The following HOGA1 variants were observed in gnomAD, a reference collection of about 807,000 sequenced individuals.
The protein encoded by HOGA1 is 4-hydroxy-2-oxoglutarate aldolase, mitochondrial.
In HOGA1, 30 loss-of-function variants were observed where a neutral mutation model predicts 34.3. The observed-to-expected ratio is 0.87, with a 90% CI of 0.65 to 1.19. HOGA1 has a LOEUF of 1.19. HOGA1 is among the 50% of genes most tolerant of loss of function. HOGA1 has a pLI of 0.00. For synonymous variants in HOGA1, 161 were observed against 174.0 expected (o/e 0.93, Z 0.59); for missense variants, 417 against 436.5 (o/e 0.96, Z 0.40).
chr10:97,605,347 G>C (rs1456736495), intron 6 of HOGA1, among the ~76,000 whole-genome samples: 8 of 151,356 alleles, frequency 5.3e-5, no homozygotes, highest in Non-Finnish European at 1.2e-4. Context: ...GGAGGTTGAG[G>C]CTGCAGTGAG....
intron 6 of HOGA1, among the ~76,000 whole-genome samples, chr10:97,604,420 C>G (rs2041142413): frequency 6.6e-6 from 1 of 152,130 alleles, no homozygotes; most frequent in Non-Finnish European, 1.5e-5. Context: ...CCTCCTGGCT[C>G]AAGCAATCCT....
At chr10:97,597,267 C>T (rs1003704575) in intron 1 of HOGA1, among the ~76,000 whole-genome samples, 2 of 152,018 alleles carry the variant, frequency 1.3e-5, no homozygotes, top group African/African-American at 4.8e-5. Flanking sequence ...TGGTCTCGAA[C>T]TTCTGGCCTC....
rs1367758322 is a variant in HOGA1 at position 97,612,789 on chromosome 10, T to C, written c.*1130T>C. ...TAGTCACTTTGTTACTATAATAAAATTTAACAGAAAAAATTAGTGTGGCTA... is the reference window on the plus strand; with the variant it reads ...TAGTCACTTTGTTACTATAATAAAACTTAACAGAAAAAATTAGTGTGGCTA... On this transcript the variant is annotated 3_prime_UTR_variant, in exon 7 of 7. Transcript: ENST00000370646. 2.6e-5 allele frequency: 4 copies of C among 152,204 alleles called. No homozygotes were observed. Among genetic ancestry groups the C allele is most frequent in the Non-Finnish European group, 5.9e-5 (4 of 68,032 alleles). 9.4% of individuals were successfully genotyped at this position (152,204 alleles called of 1,614,324 possible).
chr10:97,594,544 G>A lies in HOGA1; in HGVS notation c.212-4231G>A, dbSNP rs530746749. Among the ~76,000 whole-genome samples, 39 of 150,864 alleles carry A rather than the reference G, an allele frequency of 2.6e-4. No individual in the cohort carries two copies. The South Asian group carries it at 3.0e-3, about 11-fold the overall frequency. ...TAATTTTTGTATTTTTAGTAGAGAC[G>A]GGGTTTCACCATGTTGGCCAGGCTG... On this transcript the variant is annotated intron_variant, in intron 1 of 6. Coordinates refer to ENST00000370646, the MANE Select transcript of HOGA1 (RefSeq NM_138413.4).
At chr10:97,591,363 T>G (rs1453917581) in intron 1 of HOGA1, among the ~76,000 whole-genome samples, 4 of 152,198 alleles carry the variant, frequency 2.6e-5, no homozygotes, top group Non-Finnish European at 5.9e-5. Flanking sequence ...CCCCACCACC[T>G]AAGTCTACAG....
rs747951915 is a variant in HOGA1 at position 97,599,630 on chromosome 10, G to A, written c.469-50G>A. On this transcript the variant is annotated intron_variant, in intron 3 of 6. Coordinates refer to ENST00000370646, the MANE Select transcript of HOGA1 (RefSeq NM_138413.4). ...GGGTGGGCAAGTCTCTGGCTCTTGG[G>A]ACCTGGGGCGGCTGCCCTCTCCTGC... The A allele has an allele frequency of 3.1e-6, 5 of 1,611,044 alleles. No homozygotes were observed. The African/African-American group carries it at 4.0e-5, about 13-fold the overall frequency.
chr10:97,600,293 A>G, intron 5 of HOGA1, 130 bp downstream of exon 5: 1 of 797,990 alleles, frequency 1.3e-6, no homozygotes, highest in East Asian at 2.6e-5. Flanking sequence ...GCCCACTCTG[A>G]AAACTCAGAA....
chr10:97,599,105 G>T lies in HOGA1; in HGVS notation c.357G>T (p.Val119=), dbSNP rs139345190. 2 of 1,613,516 alleles carry T rather than the reference G, an allele frequency of 1.2e-6. No individual in the cohort carries two copies. The highest frequency in any genetic ancestry group is 1.7e-6 in the Non-Finnish European group (2 of 1,180,026). ...CTCTGGCAGCCACTCAAGCCACAGT[G>T]GAGATGACCGTCAGCATGGCCCAGG... ...GSGCESTQAT[V]EMTVSMAQVG... The change falls in exon 3 of 7, where the codon GTG becomes GTT. Residue 119 remains valine, a synonymous_variant. Coordinates refer to ENST00000370646, the MANE Select transcript of HOGA1 (RefSeq NM_138413.4).
intron 1 of HOGA1, chr10:97,590,131 C>T: frequency 6.2e-7 from 1 of 1,614,166 alleles, no homozygotes; most frequent in Non-Finnish European, 8.5e-7. Flanking sequence ...TAGAGACCTT[C>T]ACCACGAGGC....
chr10:97,599,551 C>T, intron 3 of HOGA1, 129 bp from the exon 4 acceptor site: 1 of 1,185,860 alleles, frequency 8.4e-7, no homozygotes. Context: ...GGGCACGTAG[C>T]ATGGGAGGGA....
At chr10:97,590,694 T>G (rs2041014943) in intron 1 of HOGA1, 1 of 884,782 alleles carries the variant, frequency 1.1e-6, no homozygotes, top group Admixed American at 2.6e-5. Context: ...GGTGAGATGC[T>G]GTGCCCAAAT....
rs2041196005 is a variant in HOGA1, at chr10:97,611,565, A to G, written c.890A>G (p.Tyr297Cys). Residue 297 changes from tyrosine (Y) to cysteine (C), a missense_variant, in exon 7 of 7, where the codon TAC becomes TGC. By Grantham distance (194) the Tyr-to-Cys change is radical (BLOSUM62 -2). Coordinates refer to ENST00000370646, the MANE Select transcript of HOGA1 (RefSeq NM_138413.4). ...GLKKIMDWFG[Y>C]YGGPCRAPLQ... ...AAGAAAATCATGGACTGGTTTGGCT[A>G]CTATGGAGGCCCCTGCCGCGCCCCC... The G allele has an allele frequency of 3.7e-6, 6 of 1,614,244 alleles. No individual in the cohort carries two copies. In the East Asian group the frequency reaches 1.3e-4, roughly 36 times the overall value.
At chr10:97,605,547 G>T (rs1028672599) in intron 6 of HOGA1, among the ~76,000 whole-genome samples, 3 of 152,156 alleles carry the variant, frequency 2.0e-5, no homozygotes, top group African/African-American at 7.2e-5. Flanking sequence ...ACGTATGAGT[G>T]ATCTAGTTTT....
chr10:97,590,102 G>A, intron 1 of HOGA1: 5 of 1,614,146 alleles, frequency 3.1e-6, no homozygotes, highest in Non-Finnish European at 4.2e-6. Flanking sequence ...GAGTGAAGAG[G>A]TCAGCTCCAC....
At chr10:97,588,546 T>C (rs1002456222) in intron 1 of HOGA1, among the ~76,000 whole-genome samples, 7 of 152,164 alleles carry the variant, frequency 4.6e-5, no homozygotes, top group African/African-American at 1.7e-4. Flanking sequence ...GACCAGAGAC[T>C]AGAGGAAGGG....
At chr10:97,596,290 T>TTTAG (rs2041070917) in intron 1 of HOGA1, among the ~76,000 whole-genome samples, 1 of 152,116 alleles carries the variant, frequency 6.6e-6, no homozygotes, top group Non-Finnish European at 1.5e-5. Flanking sequence ...TGTCCTGCTG[T>TTTAG]TTAGACCAGC....
intron 5 of HOGA1, 67 bp from the exon 6 acceptor site, chr10:97,601,790 G>A (rs2041118790): frequency 1.3e-6 from 2 of 1,595,526 alleles, no homozygotes; most frequent in Non-Finnish European, 1.7e-6. Flanking sequence ...AGAGGTGCTG[G>A]GACCAGGGCT....
chr10:97,610,587 C>T (rs1055193209), intron 6 of HOGA1, among the ~76,000 whole-genome samples: 13 of 152,190 alleles, frequency 8.5e-5, no homozygotes, highest in African/African-American at 3.1e-4. Flanking sequence ...GAGTTTGAGA[C>T]CAGCCTGGCC....
At position 97,584,557 on chromosome 10, in the gene HOGA1, C is replaced by G. The variant is rs576796994; in HGVS notation, c.-147C>G. ...CCTTGCCCCTGACCCTGGGAACACCCAGCTCAGGCCTGCCCCAGTGGCCAC... is the reference window on the plus strand; with the variant it reads ...CCTTGCCCCTGACCCTGGGAACACCGAGCTCAGGCCTGCCCCAGTGGCCAC... On this transcript the variant is annotated 5_prime_UTR_variant, in exon 1 of 7. Coordinates refer to ENST00000370646, the MANE Select transcript of HOGA1 (RefSeq NM_138413.4). The G allele has an allele frequency of 2.8e-6, 2 of 716,060 alleles. No individual in the cohort carries two copies. The highest frequency in any genetic ancestry group is 5.0e-5 in the East Asian group (2 of 40,100). 44.4% of individuals were successfully genotyped at this position (716,060 alleles called of 1,614,324 possible). A position where few individuals can be genotyped will look rare whatever the true frequency, so the allele number is the denominator to read the frequency against.
Sources: gnomAD v4.1 joint callset for allele counts (sites outside exome capture counted in the v4.1 genomes callset) on GRCh38, gnomAD v4.1.1 for gene constraint, MANE v1.5 for transcripts, NCBI Gene and HGNC (gene_info 2026-07-23, HGNC 2026-07-21) for gene names.